PXK: variants seen among roughly 807,000 people sequenced by gnomAD.
PXK encodes PX domain-containing protein kinase-like protein.
A neutral mutation model predicts 84.7 loss-of-function variants in PXK; 35 were observed. That is an observed-to-expected ratio of 0.41 (90% CI 0.32 to 0.55). The LOEUF (loss-of-function observed/expected upper bound fraction) is 0.55. PXK is among the 20% of genes least tolerant of loss of function. The probability of loss-of-function intolerance (pLI) is 0.21; values close to 1 mark genes in which losing one functional copy is unlikely to be tolerated. For synonymous variants in PXK, 253 were observed against 260.8 expected (o/e 0.97, Z 0.29); for missense variants, 634 against 699.7 (o/e 0.91, Z 1.06).
At chr3:58,373,117 C>T (rs180887479) in intron 3 of PXK, among the ~76,000 whole-genome samples, 122 of 137,706 alleles carry the variant, frequency 8.9e-4, no homozygotes, top group African/African-American at 3.0e-3. Context: ...GTCGCTCTGT[C>T]GCCCAGGCTG....
At chr3:58,373,083 C>CT (rs71091374) in intron 3 of PXK, among the ~76,000 whole-genome samples, 11,655 of 139,204 alleles carry the variant, frequency 0.084, 601 homozygotes, top group Middle Eastern at 0.11. Context: ...TCCGTCATTT[C>CT]TTTTTTTTTT....
chr3:58,358,975 G>A (rs2098135368), intron 1 of PXK, among the ~76,000 whole-genome samples: 1 of 152,066 alleles, frequency 6.6e-6, no homozygotes, highest in South Asian at 2.1e-4. Context: ...CACAGGAAAG[G>A]AATGGAATGC....
rs2107254348 is a variant in PXK, at chr3:58,399,643, T to C, written c.1181+266T>C. Among the ~76,000 whole-genome samples, 1 of 152,276 alleles carries C rather than the reference T, an allele frequency of 6.6e-6. No individual in the cohort carries two copies. The highest frequency in any genetic ancestry group is 1.9e-4 in the East Asian group (1 of 5,174). ...AGCGTTAGCATTGTGTGTACGTACA[T>C]TAGCATTGGGTGTGCGTATGTGTCG... On this transcript the variant is annotated intron_variant, in intron 12 of 17. Coordinates refer to ENST00000356151, the MANE Select transcript of PXK (RefSeq NM_017771.5). The surrounding 1 kb of genome is among the most constrained non-coding windows in gnomAD (Gnocchi z 4.3).
rs1228842372 is a variant in PXK at position 58,337,390 on chromosome 3, A to C, written c.102+4300A>C. Reference sequence around the variant, plus strand: ...TTCAACAAAAATGTATTAAATGCCTACTATGTGCCAGGCACATGCTAGAGA... The same window carrying C: ...TTCAACAAAAATGTATTAAATGCCTCCTATGTGCCAGGCACATGCTAGAGA... On this transcript the variant is annotated intron_variant, in intron 1 of 17. Transcript: ENST00000356151. Among the ~76,000 whole-genome samples, 5 of 152,228 alleles carry C rather than the reference A, an allele frequency of 3.3e-5. No individual in the cohort carries two copies. The East Asian group carries it at 9.6e-4, about 29-fold the overall frequency.
At chr3:58,373,279 T>G (rs34987857) in intron 3 of PXK, among the ~76,000 whole-genome samples, 1 of 141,648 alleles carries the variant, frequency 7.1e-6, no homozygotes, top group Non-Finnish European at 1.6e-5. Context: ...GGGATTTCAC[T>G]GTGTTAGCCA....
At chr3:58,367,249 CT>C (rs374016533) in intron 2 of PXK, among the ~76,000 whole-genome samples, 292 of 143,034 alleles carry the variant, frequency 2.0e-3, no homozygotes, top group Non-Finnish European at 2.0e-3. Context: ...TTAATAAAAG[CT>C]TTTTTTTTTT....
At chr3:58,353,196 A>G (rs1339636207) in intron 1 of PXK, among the ~76,000 whole-genome samples, 1 of 151,938 alleles carries the variant, frequency 6.6e-6, no homozygotes, top group Non-Finnish European at 1.5e-5. Flanking sequence ...ACAGGGTTTC[A>G]CCGTGTTAGC....
At chr3:58,374,383 A>G (rs1183619204) in intron 3 of PXK, among the ~76,000 whole-genome samples, 2 of 152,020 alleles carry the variant, frequency 1.3e-5, no homozygotes, top group Admixed American at 1.3e-4. Context: ...CATGTTGGCC[A>G]GGTTGGTCTC....
In PXK at chr3:58,366,746, G is replaced by C. The variant is rs73835195; in HGVS notation, c.153+822G>C. ...TTAACATCTATTGAGCATGTATTAA[G>C]TGTTCACTGGTTTAAGCACATTAAT... On this transcript the variant is annotated intron_variant, in intron 2 of 17. Coordinates refer to ENST00000356151, the MANE Select transcript of PXK (RefSeq NM_017771.5). Among the ~76,000 whole-genome samples, 967 of 152,278 alleles carry C rather than the reference G, an allele frequency of 6.4e-3. 9 individuals are homozygous for C. The highest frequency in any genetic ancestry group is 0.022 in the African/African-American group (926 of 41,548).
At chr3:58,348,695 G>A (rs375202001) in intron 1 of PXK, among the ~76,000 whole-genome samples, 15 of 151,858 alleles carry the variant, frequency 9.9e-5, no homozygotes, top group African/African-American at 3.1e-4. Context: ...AGGATTGCTT[G>A]AGGCCAGGAG....
intron 4 of PXK, among the ~76,000 whole-genome samples, chr3:58,389,714 C>T (rs534159433): frequency 3.6e-4 from 54 of 151,194 alleles, no homozygotes; most frequent in Middle Eastern, 3.4e-3. Flanking sequence ...ATTAGCCAGG[C>T]GTCGGGCAGG....
chr3:58,348,784 A>G (rs892902167), intron 1 of PXK, among the ~76,000 whole-genome samples: 4 of 151,572 alleles, frequency 2.6e-5, no homozygotes, highest in African/African-American at 9.7e-5. Context: ...GTGTGGTGGC[A>G]TACCTGTAGT....
Position 58,386,659 on chromosome 3 carries a change from C to T in PXK, c.389-3923C>T, listed in dbSNP as rs541201082. On this transcript the variant is annotated intron_variant, in intron 4 of 17. Transcript: ENST00000356151. ...AAAAGCCTCACTGCACTGTAGCCAT[C>T]TTCCTGCCTCAGTCCTTATACCCTC... 3.9e-5 allele frequency among the ~76,000 whole-genome samples: 6 copies of T among 152,140 alleles called. No individual in the cohort carries two copies. In the South Asian group the frequency reaches 1.0e-3, roughly 26 times the overall value.
rs189929208 is a variant in PXK, at chr3:58,410,913, G to C, written c.1465+754G>C. Among the ~76,000 whole-genome samples, 8 of 152,328 alleles carry C rather than the reference G, an allele frequency of 5.3e-5. No homozygotes were observed. The East Asian group carries it at 1.5e-3, about 29-fold the overall frequency. ...TGCTTATACTTTTAGGCAGAGGAAG[G>C]ACAGAGCAGAGAGGGGGAATTTGAA... On this transcript the variant is annotated intron_variant, in intron 16 of 17. Coordinates refer to ENST00000356151, the MANE Select transcript of PXK (RefSeq NM_017771.5).
rs1451807977 is a variant in PXK at position 58,333,555 on chromosome 3, G to A, written c.102+465G>A. 1 of 456,640 alleles carries A rather than the reference G, an allele frequency of 2.2e-6. No homozygotes were observed. Among genetic ancestry groups the A allele is most frequent in the Admixed American group, 2.3e-5 (1 of 42,566 alleles). The allele number at this position is 456,640 out of a possible 1,614,324, so 28.3% of individuals were successfully genotyped here. Reference sequence around the variant, plus strand: ...ATGAGGGTGTGCCGGGCCAAATGAAGTGTGACTCCAGAGCCTACTTGTTGG... The same window carrying A: ...ATGAGGGTGTGCCGGGCCAAATGAAATGTGACTCCAGAGCCTACTTGTTGG... On this transcript the variant is annotated intron_variant, in intron 1 of 17. Transcript: ENST00000356151. The surrounding 1 kb of genome is among the most constrained non-coding windows in gnomAD (Gnocchi z 5.4).
intron 1 of PXK, among the ~76,000 whole-genome samples, chr3:58,336,065 ATATATATTTTTTTT>A (rs2097593535): frequency 3.5e-5 from 2 of 57,138 alleles, no homozygotes; most frequent in East Asian, 7.9e-4. Flanking sequence ...ATATATATAT[ATATATATTTTTTTT>A]TTTTTTTTTT....
At chr3:58,373,678 T>C (rs1424572679) in intron 3 of PXK, among the ~76,000 whole-genome samples, 2 of 152,182 alleles carry the variant, frequency 1.3e-5, no homozygotes, top group African/African-American at 4.8e-5. Flanking sequence ...TGAAAGTTTT[T>C]CATTCCTGTC....
chr3:58,410,507 G>A (rs2060041150), intron 16 of PXK, among the ~76,000 whole-genome samples: 1 of 152,164 alleles, frequency 6.6e-6, no homozygotes, highest in Admixed American at 6.5e-5. Flanking sequence ...GAACAGAAAT[G>A]ACCTTAAATC....
At chr3:58,349,492 A>T (rs1435992821) in intron 1 of PXK, among the ~76,000 whole-genome samples, 1 of 151,336 alleles carries the variant, frequency 6.6e-6, no homozygotes, top group Non-Finnish European at 1.5e-5. Context: ...AGTAGCTGGG[A>T]TTACAGGCTC....
Sources: allele counts gnomAD v4.1 joint callset (sites outside exome capture counted in the v4.1 genomes callset), GRCh38; gene constraint gnomAD v4.1.1; non-coding constraint Gnocchi (gnomAD v3.1); transcripts MANE v1.5; gene names NCBI Gene and HGNC (gene_info 2026-07-23, HGNC 2026-07-21).